Variants in FABP7 observed in about 807,000 individuals in gnomAD.
FABP7 encodes the protein fatty acid-binding protein, brain.
In FABP7, 13 loss-of-function variants were observed where a neutral mutation model predicts 14.2. The observed-to-expected ratio is 0.91, with a 90% confidence interval of 0.59 to 1.45. The LOEUF (loss-of-function observed/expected upper bound fraction) is 1.45, where lower values mean the gene tolerates loss of function less well. FABP7 is among the 40% of genes most tolerant of loss of function. FABP7 has a pLI of 0.00. For synonymous variants in FABP7, 49 were observed against 51.4 expected, an observed-to-expected ratio of 0.95 and a Z score of 0.20; for missense variants, 149 against 157.6, an observed-to-expected ratio of 0.95 and a Z score of 0.29.
chr6:122,757,818 G>A, the FABP7 span, among the ~76,000 whole-genome samples: 1 of 152,022 alleles, frequency 6.6e-6, no homozygotes, highest in South Asian at 2.1e-4. Context: ...GTCTGTTAAG[G>A]TGCCGGAATA....
At position 122,780,471 on chromosome 6, in the gene FABP7, A is replaced by T. The variant is rs1780757319; in HGVS notation, c.246+8A>T. The T allele has an allele frequency of 1.9e-6, 3 of 1,607,366 alleles. No individual in the cohort carries two copies. Among genetic ancestry groups the T allele is most frequent in the East Asian group, 2.2e-5 (1 of 44,826 alleles). On this transcript the variant is annotated splice_region_variant and intron_variant, in intron 2 of 3. Coordinates refer to ENST00000368444, the MANE Select transcript of FABP7 (RefSeq NM_001446.5). The stretch of plus-strand genomic sequence containing the variant: ...GATGATAGAAACTGTAAGGTGAGAA[A>T]CTGCTTCTTCTTCAGAGTGGGGATG...
chr6:122,774,440 T>G, the FABP7 span, among the ~76,000 whole-genome samples: 1 of 151,454 alleles, frequency 6.6e-6, no homozygotes, highest in South Asian at 2.1e-4. Flanking sequence ...TGTTAAATGT[T>G]AAATCCTTAG....
At chr6:122,774,329 T>G in the FABP7 span, among the ~76,000 whole-genome samples, 1 of 115,922 alleles carries the variant, frequency 8.6e-6, no homozygotes, top group South Asian at 2.9e-4. Context: ...GCCACTGCAC[T>G]CCAGCCTGGG....
chr6:122,770,000 A>G, the FABP7 span, among the ~76,000 whole-genome samples: 6 of 152,182 alleles, frequency 3.9e-5, no homozygotes, highest in Non-Finnish European at 7.4e-5. Context: ...GTAATTTACA[A>G]TGATGTTATT....
the FABP7 span, among the ~76,000 whole-genome samples, chr6:122,755,830 G>A: frequency 2.0e-5 from 3 of 152,124 alleles, no homozygotes; most frequent in Admixed American, 2.0e-4. Flanking sequence ...GCAGACCCCA[G>A]CCAAACGACA....
intron 3 of FABP7, 102 bp downstream of exon 3, chr6:122,781,296 T>C: frequency 6.4e-7 from 1 of 1,555,548 alleles, no homozygotes; most frequent in Non-Finnish European, 8.7e-7. Flanking sequence ...TCTTCCTCCT[T>C]CCTTCCTTCT....
the FABP7 span, among the ~76,000 whole-genome samples, chr6:122,767,666 T>A: frequency 6.6e-6 from 1 of 151,514 alleles, no homozygotes; most frequent in African/African-American, 2.4e-5. Context: ...ATTCCCCCAC[T>A]TAGGGAGACA....
the FABP7 span, among the ~76,000 whole-genome samples, chr6:122,753,797 C>CCCA: frequency 1.9e-5 from 2 of 106,030 alleles, no homozygotes; most frequent in Admixed American, 8.9e-5. Context: ...CCCCCCCCGC[C>CCCA]CACAGAAGTT....
chr6:122,778,012 T>C (rs147044100), upstream of FABP7, among the ~76,000 whole-genome samples: 6 of 152,168 alleles, frequency 3.9e-5, 1 homozygote, highest in East Asian at 1.9e-4. Flanking sequence ...GCTGAACCAA[T>C]GTATGCCTTC....
chr6:122,754,850 A>G, the FABP7 span, among the ~76,000 whole-genome samples: 4 of 152,172 alleles, frequency 2.6e-5, no homozygotes, highest in African/African-American at 9.6e-5. Context: ...GCACCCACAC[A>G]GAAGATCTAT....
the FABP7 span, among the ~76,000 whole-genome samples, chr6:122,772,241 T>C: frequency 1.2e-4 from 18 of 152,262 alleles, no homozygotes; most frequent in East Asian, 1.4e-3. Context: ...GTCCTGGGAC[T>C]TTTTAATAAT....
Position 122,783,718 on chromosome 6 carries a change from C to T in FABP7, c.350C>T (p.Thr117Ile). ...TTGATTATCTTTTGAACCTTGCAGA[C>T]CCTTACTTTTGGTGATGTGGTTGCT... is the stretch of plus-strand genomic sequence containing the variant. ...REIKDGKMVM[T>I]LTFGDVVAVR... Residue 117 changes from threonine to isoleucine, a missense_variant and splice_region_variant, in exon 4 of 4, where the codon ACC becomes ATC. Coordinates refer to ENST00000368444, the MANE Select transcript of FABP7 (RefSeq NM_001446.5). The T allele has an allele frequency of 1.2e-6, 2 of 1,603,964 alleles. No individual in the cohort carries two copies. Among genetic ancestry groups the T allele is most frequent in the Admixed American group, 1.7e-5 (1 of 57,282 alleles).
At chr6:122,749,993 A>C in the FABP7 span, among the ~76,000 whole-genome samples, 6 of 152,236 alleles carry the variant, frequency 3.9e-5, no homozygotes, top group Admixed American at 3.3e-4. Flanking sequence ...TAGACATAAC[A>C]TGAATTGTGA....
the FABP7 span, among the ~76,000 whole-genome samples, chr6:122,771,951 C>T: frequency 2.0e-5 from 3 of 152,140 alleles, no homozygotes; most frequent in Non-Finnish European, 4.4e-5. Flanking sequence ...AGACGATGGT[C>T]GTAGAGCACA....
chr6:122,781,154 CAAATTT>C lies in FABP7; in HGVS notation c.309_314del (p.Asn104_Phe105del), dbSNP rs1363228242. 6.2e-7 allele frequency: 1 copy of C among 1,613,780 alleles called. No individual in the cohort carries two copies. The highest frequency in any genetic ancestry group is 1.3e-5 in the African/African-American group (1 of 74,890). On this transcript the variant is annotated inframe_deletion, in exon 3 of 4. Transcript: ENST00000368444. ...ATACAGAAATGGGATGGCAAAGAAACAAATTTTGTAAGAGAAATTAAGGATGGCAAA... is the reference window on the plus strand; with the variant it reads ...ATACAGAAATGGGATGGCAAAGAAACTGTAAGAGAAATTAAGGATGGCAAA...
In FABP7 at chr6:122,782,098, G is replaced by A. The variant is rs909847624; in HGVS notation, c.348+904G>A. ...GTTACTTCTTTCCAGTTTTTTTCTCGAATGCATAATATGCCTTTTAAACAT... is the reference window on the plus strand; with the variant it reads ...GTTACTTCTTTCCAGTTTTTTTCTCAAATGCATAATATGCCTTTTAAACAT... On this transcript the variant is annotated intron_variant, in intron 3 of 3. Coordinates refer to ENST00000368444, the MANE Select transcript of FABP7 (RefSeq NM_001446.5). 9 of 985,060 alleles carry A rather than the reference G, an allele frequency of 9.1e-6. No homozygotes were observed. The African/African-American group carries it at 1.0e-4, about 11-fold the overall frequency. The allele number at this position is 985,060 out of a possible 1,614,324, so 61.0% of individuals were successfully genotyped here. A position where few individuals can be genotyped will look rare whatever the true frequency, so the allele number is the denominator to read the frequency against.
chr6:122,783,421 A>G (rs1035986244), intron 3 of FABP7: 13 of 984,958 alleles, frequency 1.3e-5, no homozygotes, highest in Admixed American at 1.2e-4. Flanking sequence ...AACAACGTAG[A>G]CACTCCATTT....
At chr6:122,771,707 A>G in the FABP7 span, among the ~76,000 whole-genome samples, 1 of 152,202 alleles carries the variant, frequency 6.6e-6, no homozygotes, top group East Asian at 1.9e-4. Context: ...GTGAGCCTTA[A>G]TTTCCTCTTA....
At chr6:122,773,231 C>G in the FABP7 span, among the ~76,000 whole-genome samples, 2 of 152,094 alleles carry the variant, frequency 1.3e-5, no homozygotes, top group East Asian at 3.9e-4. Context: ...GACATTAAGG[C>G]GCCAAAATGT....
Sources: allele counts gnomAD v4.1 joint callset (sites outside exome capture counted in the v4.1 genomes callset), GRCh38; gene constraint gnomAD v4.1.1; transcripts MANE v1.5; gene names NCBI Gene and HGNC (gene_info 2026-07-23, HGNC 2026-07-21).